DCC: variants seen among roughly 807,000 people sequenced by gnomAD.
DCC encodes the protein netrin receptor DCC.
A neutral mutation model predicts 172.5 loss-of-function variants in DCC; 58 were observed. The observed-to-expected ratio is 0.34, with a 90% confidence interval of 0.27 to 0.42. DCC has a LOEUF of 0.42. Among genes scored for constraint, DCC ranks in the 10% least tolerant of loss-of-function variants. DCC has a pLI of 1.00. For synonymous variants in DCC, 709 were observed against 644.5 expected (o/e 1.10, Z -1.52); for missense variants, 1,740 against 1,791.0 (o/e 0.97, Z 0.51).
chr18:53,300,023 A>G (rs1349404897), intron 12 of DCC, among the ~76,000 whole-genome samples: 1 of 152,234 alleles, frequency 6.6e-6, no homozygotes, highest in Admixed American at 6.5e-5. Context: ...TGCTTAATTT[A>G]TCACACTTAA....
chr18:53,292,357 T>C (rs2057015532), intron 12 of DCC, among the ~76,000 whole-genome samples: 1 of 152,124 alleles, frequency 6.6e-6, no homozygotes, highest in Non-Finnish European at 1.5e-5. Flanking sequence ...TTTCTATGGG[T>C]CATTCATCTG....
intron 26 of DCC, among the ~76,000 whole-genome samples, chr18:53,492,942 C>CCTAT (rs759685749): frequency 6.6e-6 from 1 of 152,118 alleles, no homozygotes; most frequent in African/African-American, 2.4e-5. Context: ...ATTGATTCTT[C>CCTAT]CTATCTATGA....
chr18:52,603,439 G>T (rs80004226), intron 1 of DCC, among the ~76,000 whole-genome samples: 8,064 of 151,778 alleles, frequency 0.053, 365 homozygotes, highest in South Asian at 0.13. Context: ...AAGAAAAGGA[G>T]AATAGGAAAA....
chr18:52,919,914 T>C (rs2040094582), intron 3 of DCC, among the ~76,000 whole-genome samples: 1 of 147,622 alleles, frequency 6.8e-6, no homozygotes, highest in African/African-American at 2.5e-5. Flanking sequence ...CTCCCTAAAA[T>C]AGACCCAGAC....
At chr18:52,991,353 A>C (rs1319278470) in intron 5 of DCC, among the ~76,000 whole-genome samples, 1 of 152,200 alleles carries the variant, frequency 6.6e-6, no homozygotes, top group East Asian at 1.9e-4. Context: ...ACAGCATAAA[A>C]TCCAAGTTAT....
chr18:52,949,197 T>C (rs1289828790), intron 5 of DCC, among the ~76,000 whole-genome samples: 1 of 152,222 alleles, frequency 6.6e-6, no homozygotes, highest in Admixed American at 6.5e-5. Flanking sequence ...CAAGCTCTTG[T>C]TAAAGTACTG....
rs1449522752 is a variant in DCC at position 52,541,891 on chromosome 18, A to ATATATATATATATATATATATATATG, written c.91+201018_91+201019insATATATATATATATATATATGTATAT. Reference sequence around the variant, plus strand: ...TGTGTGTGTGTATATATATATATATATATATGTGTATATATATATGTACAC... The same window carrying ATATATATATATATATATATATATATG: ...TGTGTGTGTGTATATATATATATATATATATATATATATATATATATATATGTATATGTGTATATATATATGTACAC... On this transcript the variant is annotated intron_variant, in intron 1 of 28. Transcript: ENST00000442544. Among the ~76,000 whole-genome samples, 17 of 115,774 alleles carry ATATATATATATATATATATATATATG rather than the reference A, an allele frequency of 1.5e-4. No individual in the cohort carries two copies. In the South Asian group the frequency reaches 2.6e-3, roughly 18 times the overall value. 76.0% of individuals were successfully genotyped at this position (115,774 alleles called of 152,430 possible).
intron 12 of DCC, among the ~76,000 whole-genome samples, chr18:53,243,133 T>TTCTCATA (rs1306641138): frequency 6.6e-6 from 1 of 152,142 alleles, no homozygotes; most frequent in African/African-American, 2.4e-5. Flanking sequence ...AGTCCTATTT[T>TTCTCATA]GGTTTATGTG....
intron 5 of DCC, among the ~76,000 whole-genome samples, chr18:52,962,951 G>C (rs1359643420): frequency 3.3e-5 from 4 of 121,688 alleles, no homozygotes; most frequent in East Asian, 5.6e-4. Context: ...TCTAGGGACT[G>C]TTGTGGGGTG....
intron 5 of DCC, among the ~76,000 whole-genome samples, chr18:53,041,775 G>T (rs2042172085): frequency 6.6e-6 from 1 of 151,974 alleles, no homozygotes; most frequent in Non-Finnish European, 1.5e-5. Flanking sequence ...TCTCTTTGTA[G>T]CATTTGTGAA....
chr18:53,080,947 T>C (rs1364511377), intron 7 of DCC, among the ~76,000 whole-genome samples: 1 of 152,042 alleles, frequency 6.6e-6, no homozygotes, highest in Non-Finnish European at 1.5e-5. Context: ...GCTGGACATA[T>C]TTTACCCAGC....
intron 7 of DCC, among the ~76,000 whole-genome samples, chr18:53,107,437 G>C (rs910583269): frequency 3.5e-5 from 5 of 144,740 alleles, no homozygotes; most frequent in Non-Finnish European, 1.5e-5. Flanking sequence ...ACTCTAAATT[G>C]AAAAACTTTA....
intron 1 of DCC, among the ~76,000 whole-genome samples, chr18:52,586,313 C>T (rs1422955084): frequency 6.6e-6 from 1 of 151,992 alleles, no homozygotes; most frequent in Non-Finnish European, 1.5e-5. Context: ...TATTTCTATT[C>T]TCAGTAGAGG....
At chr18:53,516,078 G>GA (rs2046330650) in intron 27 of DCC, among the ~76,000 whole-genome samples, 1 of 140,710 alleles carries the variant, frequency 7.1e-6, no homozygotes, top group Non-Finnish European at 1.5e-5. Context: ...ACCAAAACAG[G>GA]ATGGTACTGG....
At chr18:52,912,329 AT>A (rs2039982239) in intron 3 of DCC, among the ~76,000 whole-genome samples, 2 of 151,982 alleles carry the variant, frequency 1.3e-5, no homozygotes, top group Non-Finnish European at 2.9e-5. Flanking sequence ...TTATCTTAGC[AT>A]TTTAGAGTTT....
At chr18:52,473,809 T>C (rs1399671538) in intron 1 of DCC, among the ~76,000 whole-genome samples, 1 of 152,094 alleles carries the variant, frequency 6.6e-6, no homozygotes, top group Non-Finnish European at 1.5e-5. Context: ...TTACTTTCCC[T>C]CAAGACCTTT....
At chr18:52,541,873 G>GTGTATATATATATATATATATATA (rs1555695208) in intron 1 of DCC, among the ~76,000 whole-genome samples, 90 of 30,040 alleles carry the variant, frequency 3.0e-3, no homozygotes, top group African/African-American at 9.1e-3. Context: ...ATGTGTGTGT[G>GTGTATATATATATATATATATATA]TGTATATATA....
chr18:53,376,555 C>A (rs1907302355), intron 15 of DCC, among the ~76,000 whole-genome samples: 1 of 152,092 alleles, frequency 6.6e-6, no homozygotes, highest in South Asian at 2.1e-4. Flanking sequence ...GTCTAAAGAA[C>A]CCTAAGACAT....
intron 21 of DCC, among the ~76,000 whole-genome samples, chr18:53,421,020 C>G (rs994492079): frequency 1.3e-5 from 2 of 152,158 alleles, no homozygotes; most frequent in Admixed American, 1.3e-4. Context: ...CTTCTAAAAT[C>G]AGCTCCAACA....
Sources: allele counts gnomAD v4.1 joint callset (sites outside exome capture counted in the v4.1 genomes callset), GRCh38; gene constraint gnomAD v4.1.1; transcripts MANE v1.5; gene names NCBI Gene and HGNC (gene_info 2026-07-23, HGNC 2026-07-21).